FARS2: variants seen among roughly 807,000 people sequenced by gnomAD.
The protein encoded by FARS2 is phenylalanine--tRNA ligase, mitochondrial.
In FARS2, 40 loss-of-function variants were observed where a neutral mutation model predicts 46.4. The observed-to-expected ratio is 0.86, with a 90% CI of 0.67 to 1.12. The LOEUF (loss-of-function observed/expected upper bound fraction) is 1.12, where lower values mean the gene tolerates loss of function less well. Among genes scored for constraint, FARS2 ranks in the 50% most tolerant of loss-of-function variants. The pLI, the probability that FARS2 is intolerant of heterozygous loss-of-function variation, is 0.00. For synonymous variants in FARS2, 234 were observed against 214.9 expected, an observed-to-expected ratio of 1.09 and a Z score of -0.78; for missense variants, 513 against 567.9, an observed-to-expected ratio of 0.90 and a Z score of 0.98.
intron 3 of FARS2, among the ~76,000 whole-genome samples, chr6:5,413,741 A>T (rs1762069279): frequency 6.6e-6 from 1 of 152,176 alleles, no homozygotes; most frequent in South Asian, 2.1e-4. Flanking sequence ...CCCCTCCTGT[A>T]GCAGCTCAGA....
At chr6:5,730,712 G>T (rs996915518) in intron 6 of FARS2, among the ~76,000 whole-genome samples, 2 of 152,128 alleles carry the variant, frequency 1.3e-5, no homozygotes, top group African/African-American at 4.8e-5. Context: ...TCTTCTAGAG[G>T]TCATGAGCAA....
intron 1 of FARS2, among the ~76,000 whole-genome samples, chr6:5,308,436 C>G (rs1370752761): frequency 6.6e-6 from 1 of 152,140 alleles, no homozygotes; most frequent in Non-Finnish European, 1.5e-5. Context: ...GTGATGGTAC[C>G]CTGCATGCTT....
rs192984448 is a variant in FARS2 at position 5,559,500 on chromosome 6, T to A, written c.1065+14160T>A. Among the ~76,000 whole-genome samples, 307 of 152,218 alleles carry A rather than the reference T, an allele frequency of 2.0e-3. 1 individual carries two copies. Among genetic ancestry groups the A allele is most frequent in the Middle Eastern group, 6.8e-3 (2 of 294 alleles). On this transcript the variant is annotated intron_variant, in intron 5 of 6. Transcript: ENST00000274680. ...TTCTGCTTCCCAGTCTCCCCAGAGG[T>A]CACCACTAGCTACAGTTTGATATTT...
chr6:5,618,514 A>G (rs1775593150), intron 6 of FARS2, among the ~76,000 whole-genome samples: 1 of 152,264 alleles, frequency 6.6e-6, no homozygotes, highest in African/African-American at 2.4e-5. Flanking sequence ...GACACGTTGC[A>G]TGTTATTTTC....
chr6:5,597,367 G>A (rs544210790), intron 5 of FARS2, among the ~76,000 whole-genome samples: 85 of 152,294 alleles, frequency 5.6e-4, no homozygotes, highest in African/African-American at 1.7e-3. Context: ...CTGGTGCACA[G>A]TGCCACATTT....
chr6:5,518,741 CA>C (rs1228082961), intron 4 of FARS2, among the ~76,000 whole-genome samples: 1 of 152,084 alleles, frequency 6.6e-6, no homozygotes, highest in African/African-American at 2.4e-5. Context: ...GCAAGAAATA[CA>C]TTTTTTTCAT....
At position 5,368,881 on chromosome 6, in the gene FARS2, G is replaced by A. The variant is rs1482988377; in HGVS notation, c.311G>A (p.Arg104His). ...KEHFYKQYVG[R>H]FGTPLFSVYD... ...CACTTCTACAAGCAGTATGTGGGCCGCTTTGGGACCCCGTTGTTCTCGGTC... is the reference window on the plus strand; with the variant it reads ...CACTTCTACAAGCAGTATGTGGGCCACTTTGGGACCCCGTTGTTCTCGGTC... The change falls in exon 2 of 7, where the codon CGC (arginine) becomes CAC (histidine). Residue 104 changes from arginine (R) to histidine (H), a missense_variant. By Grantham distance (29) the Arg-to-His change is conservative. Transcript: ENST00000274680. 8.1e-6 allele frequency: 13 copies of A among 1,613,982 alleles called. No homozygotes were observed. The highest frequency in any genetic ancestry group is 1.7e-5 in the Admixed American group (1 of 59,998).
intron 6 of FARS2, among the ~76,000 whole-genome samples, chr6:5,739,422 C>T (rs1003959903): frequency 1.3e-5 from 2 of 152,006 alleles, no homozygotes; most frequent in African/African-American, 4.8e-5. Context: ...GAACACCTGC[C>T]TGTTGTTTGA....
At chr6:5,256,490 GGAAAAAA>G (rs1764677097), upstream of FARS2, among the ~76,000 whole-genome samples, 26 of 37,520 alleles carry the variant, frequency 6.9e-4, 2 homozygotes, top group African/African-American at 1.8e-3. Context: ...GATTTCAACT[GGAAAAAA>G]AAAAAAAAAA....
chr6:5,387,315 A>G (rs1401338858), intron 2 of FARS2, among the ~76,000 whole-genome samples: 1 of 152,218 alleles, frequency 6.6e-6, no homozygotes, highest in Non-Finnish European at 1.5e-5. Flanking sequence ...CCGCCTGACC[A>G]GGGGAAGGCA....
At chr6:5,341,259 C>T (rs1456649092) in intron 1 of FARS2, among the ~76,000 whole-genome samples, 4 of 20,712 alleles carry the variant, frequency 1.9e-4, no homozygotes, top group African/African-American at 3.0e-4. Flanking sequence ...TTTTTTTTTC[C>T]CTGTGAGAGC....
intron 3 of FARS2, among the ~76,000 whole-genome samples, chr6:5,410,419 C>T (rs760442425): frequency 6.6e-6 from 1 of 152,152 alleles, no homozygotes; most frequent in Admixed American, 6.5e-5. Flanking sequence ...ACTTTGGACA[C>T]CCAAAGTGCT....
At chr6:5,251,036 T>C in the FARS2 span, among the ~76,000 whole-genome samples, 1 of 152,222 alleles carries the variant, frequency 6.6e-6, no homozygotes, top group South Asian at 2.1e-4. Context: ...CTATTTCAAT[T>C]TGCATGCTTC....
At chr6:5,400,829 C>T (rs1761212825) in intron 2 of FARS2, among the ~76,000 whole-genome samples, 1 of 151,898 alleles carries the variant, frequency 6.6e-6, no homozygotes, top group Non-Finnish European at 1.5e-5. Flanking sequence ...ATGGTTCTTT[C>T]TACACAGAGG....
At chr6:5,770,177 T>TGTGGGAGTG (rs1479942888) in intron 6 of FARS2, among the ~76,000 whole-genome samples, 1 of 152,166 alleles carries the variant, frequency 6.6e-6, no homozygotes, top group Non-Finnish European at 1.5e-5. Context: ...CCAGTGAATA[T>TGTGGGAGTG]GTGGGAGTGG....
At chr6:5,265,570 T>C (rs1279678011) in intron 1 of FARS2, among the ~76,000 whole-genome samples, 2 of 152,204 alleles carry the variant, frequency 1.3e-5, no homozygotes, top group Non-Finnish European at 2.9e-5. Flanking sequence ...GGCACTGAAA[T>C]GTTATTTATT....
intron 5 of FARS2, among the ~76,000 whole-genome samples, chr6:5,593,478 A>G (rs562383839): frequency 6.6e-5 from 10 of 151,510 alleles, no homozygotes; most frequent in Non-Finnish European, 1.2e-4. Context: ...TTTTATGCCC[A>G]TCGTCTTCCA....
chr6:5,337,363 C>T (rs74867963), intron 1 of FARS2, among the ~76,000 whole-genome samples: 6,633 of 152,120 alleles, frequency 0.044, 230 homozygotes, highest in Non-Finnish European at 0.066. Flanking sequence ...TTTCACAAGT[C>T]GTTCCCCTTA....
chr6:5,346,551 G>T (rs1304919384), intron 1 of FARS2, among the ~76,000 whole-genome samples: 2 of 152,088 alleles, frequency 1.3e-5, no homozygotes, highest in African/African-American at 4.8e-5. Context: ...CCGGAGTGTA[G>T]CATTGTATTC....
Sources: allele counts gnomAD v4.1 joint callset (sites outside exome capture counted in the v4.1 genomes callset), GRCh38; gene constraint gnomAD v4.1.1; transcripts MANE v1.5; gene names NCBI Gene and HGNC (gene_info 2026-07-23, HGNC 2026-07-21).